Variants in NFIB observed in about 807,000 individuals in gnomAD.
The protein encoded by NFIB is nuclear factor 1 B-type.
In NFIB, 11 loss-of-function variants were observed where a neutral mutation model predicts 61.5. The observed-to-expected ratio is 0.18, with a 90% CI of 0.11 to 0.30. NFIB has a LOEUF of 0.30. Ranked by LOEUF, NFIB falls within the 10% of genes least tolerant of loss-of-function variation. The pLI is 1.00. For missense variants in NFIB, 471 were observed against 608.9 expected, an observed-to-expected ratio of 0.77 and a Z score of 2.38; for synonymous variants, 260 against 216.5, an observed-to-expected ratio of 1.20 and a Z score of -1.76.
the NFIB span, among the ~76,000 whole-genome samples, chr9:14,423,543 T>C: frequency 6.6e-6 from 1 of 152,206 alleles, no homozygotes; most frequent in Admixed American, 6.5e-5. Context: ...TTCGAAGAGG[T>C]AAAAGGGTCA....
chr9:14,102,636 AG>A, intron 10 of NFIB: 2 of 631,128 alleles, frequency 3.2e-6, no homozygotes, highest in Non-Finnish European at 4.7e-6. Flanking sequence ...GGCAACTTAA[AG>A]AAAAAAAAAA....
intron 1 of NFIB, among the ~76,000 whole-genome samples, chr9:14,390,055 T>C (rs1290439959): frequency 1.3e-5 from 2 of 152,156 alleles, no homozygotes; most frequent in African/African-American, 4.8e-5. Context: ...TACCAAAATC[T>C]GATCTCAGGG....
chr9:14,503,889 C>T, the NFIB span, among the ~76,000 whole-genome samples: 9 of 152,200 alleles, frequency 5.9e-5, no homozygotes, highest in African/African-American at 1.4e-4. Context: ...GTCATGAAGT[C>T]TTCGCCTAAG....
chr9:14,394,556 T>A (rs1399784012), intron 1 of NFIB, among the ~76,000 whole-genome samples: 1 of 152,162 alleles, frequency 6.6e-6, no homozygotes, highest in Non-Finnish European at 1.5e-5. Flanking sequence ...TTCACTACCA[T>A]AAGAACAGTA....
At chr9:14,435,224 C>T in the NFIB span, among the ~76,000 whole-genome samples, 1 of 152,196 alleles carries the variant, frequency 6.6e-6, no homozygotes, top group East Asian at 1.9e-4. Context: ...TCACCTGTGG[C>T]AAGAGGGCAA....
At chr9:14,372,111 G>T (rs1418385721) in intron 1 of NFIB, among the ~76,000 whole-genome samples, 2 of 145,602 alleles carry the variant, frequency 1.4e-5, no homozygotes, top group Non-Finnish European at 3.0e-5. Flanking sequence ...TGCCAAAACT[G>T]TTTTTTTTTT....
intron 3 of NFIB, among the ~76,000 whole-genome samples, chr9:14,172,882 G>A (rs568587607): frequency 1.5e-4 from 23 of 151,892 alleles, no homozygotes; most frequent in African/African-American, 5.6e-4. Context: ...CGATTCTCCT[G>A]CCTCAGCCTC....
chr9:14,357,997 G>A (rs1038627766), intron 1 of NFIB: 8 of 152,142 alleles, frequency 5.3e-5, no homozygotes, highest in African/African-American at 1.7e-4. Flanking sequence ...AGAGTTTGGG[G>A]AGCCTGGAGG....
the NFIB span, among the ~76,000 whole-genome samples, chr9:14,458,916 C>A: frequency 1.3e-5 from 2 of 151,896 alleles, no homozygotes; most frequent in African/African-American, 4.8e-5. Context: ...TAGGAAGAAT[C>A]AATATCGTGA....
At chr9:14,130,939 T>C (rs2040329101) in intron 6 of NFIB, among the ~76,000 whole-genome samples, 1 of 152,136 alleles carries the variant, frequency 6.6e-6, no homozygotes, top group Non-Finnish European at 1.5e-5. Context: ...TGTGAGGAAC[T>C]ATGGCTATGC....
chr9:14,389,248 T>A (rs545789261), intron 1 of NFIB, among the ~76,000 whole-genome samples: 8 of 152,330 alleles, frequency 5.3e-5, no homozygotes, highest in Admixed American at 2.6e-4. Context: ...CTGGTGCTCA[T>A]GATTCTTTTG....
Position 14,120,118 on chromosome 9 carries a change from C to G in NFIB, c.1245+322G>C, listed in dbSNP as rs1161608522. Among the ~76,000 whole-genome samples, 1 of 152,174 alleles carries G rather than the reference C, an allele frequency of 6.6e-6. No individual in the cohort carries two copies. The highest frequency in any genetic ancestry group is 2.1e-4 in the South Asian group (1 of 4,834). Reference sequence around the variant, plus strand: ...TGAAATAAGCACATTGTCTCTGTGTCAAACCAGGTATTTAAGAGGTGTGAA... The same window carrying G: ...TGAAATAAGCACATTGTCTCTGTGTGAAACCAGGTATTTAAGAGGTGTGAA... On this transcript the variant is annotated intron_variant, in intron 8 of 10. Coordinates refer to ENST00000380953, the MANE Select transcript of NFIB (RefSeq NM_001190737.2). This position sits in a 1 kb window ranked among gnomAD's most constrained non-coding sequence, Gnocchi z 4.4.
At chr9:14,218,540 T>C (rs2051224666) in intron 2 of NFIB, among the ~76,000 whole-genome samples, 1 of 152,206 alleles carries the variant, frequency 6.6e-6, no homozygotes, top group Non-Finnish European at 1.5e-5. Flanking sequence ...GTTGGGCTTC[T>C]AACCTCCTGA....
At chr9:14,269,306 T>C (rs1413628351) in intron 2 of NFIB, among the ~76,000 whole-genome samples, 1 of 152,180 alleles carries the variant, frequency 6.6e-6, no homozygotes, top group African/African-American at 2.4e-5. Context: ...AAACTAGCTC[T>C]TTTTCCTTTC....
chr9:14,126,269 G>A (rs962179644), intron 6 of NFIB, among the ~76,000 whole-genome samples: 44 of 152,164 alleles, frequency 2.9e-4, no homozygotes, highest in African/African-American at 7.7e-4. Flanking sequence ...TTCTGCAAAC[G>A]TTTACTGGGT....
intron 1 of NFIB, among the ~76,000 whole-genome samples, chr9:14,346,478 G>A (rs547517682): frequency 6.6e-6 from 1 of 152,220 alleles, no homozygotes; most frequent in South Asian, 2.1e-4. Context: ...AACCCGATGG[G>A]ATTCAGAAAA....
At chr9:14,424,009 C>CT in the NFIB span, among the ~76,000 whole-genome samples, 6 of 149,764 alleles carry the variant, frequency 4.0e-5, no homozygotes, top group Non-Finnish European at 5.9e-5. Flanking sequence ...TTATCTCTCG[C>CT]TTTTTTGGCA....
At chr9:14,231,119 GGAAA>G (rs1421286382) in intron 2 of NFIB, among the ~76,000 whole-genome samples, 14 of 35,414 alleles carry the variant, frequency 4.0e-4, no homozygotes, top group African/African-American at 1.1e-3. Context: ...TTTTCCATGG[GGAAA>G]AAAAAAAAAA....
Position 14,214,332 on chromosome 9 carries a change from C to T in NFIB, c.563-34552G>A, listed in dbSNP as rs181065263. On this transcript the variant is annotated intron_variant, in intron 2 of 10. Coordinates refer to ENST00000380953, the MANE Select transcript of NFIB (RefSeq NM_001190737.2). The stretch of plus-strand genomic sequence containing the variant: ...ATGCAGTCACATAGAGCCCCACTTA[C>T]GTGGTCCCCATGCTTGGCTTCATGC... 2.4e-4 allele frequency among the ~76,000 whole-genome samples: 36 copies of T among 152,348 alleles called. No homozygotes were observed. The East Asian group carries it at 6.0e-3, about 25-fold the overall frequency.
Sources: allele counts gnomAD v4.1 joint callset (sites outside exome capture counted in the v4.1 genomes callset), GRCh38; gene constraint gnomAD v4.1.1; non-coding constraint Gnocchi (gnomAD v3.1); transcripts MANE v1.5; gene names NCBI Gene and HGNC (gene_info 2026-07-23, HGNC 2026-07-21).